The following GLMN variants were observed in gnomAD, a reference collection of about 807,000 sequenced individuals.
GLMN encodes glomulin, FKBP associated protein, also known as glomulin.
In GLMN, 75 loss-of-function variants were observed where a neutral mutation model predicts 87.8. The ratio of observed to expected loss-of-function variants is 0.85; its 90% confidence interval spans 0.71 to 1.04. The LOEUF is 1.04. GLMN is among the 50% of genes least tolerant of loss of function. GLMN has a pLI of 0.00. For synonymous variants in GLMN, 206 were observed against 221.6 expected, an observed-to-expected ratio of 0.93 and a Z score of 0.63; for missense variants, 588 against 658.8, an observed-to-expected ratio of 0.89 and a Z score of 1.18.
rs188224119 is a variant in GLMN at position 92,253,731 on chromosome 1, C to G, written c.1474-5742G>C. 6.6e-5 allele frequency among the ~76,000 whole-genome samples: 10 copies of G among 152,260 alleles called. No individual in the cohort carries two copies. The East Asian group carries it at 1.7e-3, about 27-fold the overall frequency. ...CACAAAGCAATAGCATTAACGTCAA[C>G]AAAAAGGATGACCCAAGCAAAAACT... On this transcript the variant is annotated intron_variant, in intron 16 of 18. Transcript: ENST00000370360.
At chr1:92,366,584 C>A in the GLMN span, among the ~76,000 whole-genome samples, 1 of 152,092 alleles carries the variant, frequency 6.6e-6, no homozygotes, top group African/African-American at 2.4e-5. Context: ...TTCGGTGTCT[C>A]ACTAATGGAG....
chr1:92,350,846 C>G, the GLMN span, among the ~76,000 whole-genome samples: 1 of 152,058 alleles, frequency 6.6e-6, no homozygotes, highest in Non-Finnish European at 1.5e-5. Context: ...GCAGGAAAAT[C>G]ACTTGAACCC....
chr1:92,319,234 A>C, the GLMN span, among the ~76,000 whole-genome samples: 1 of 152,128 alleles, frequency 6.6e-6, no homozygotes, highest in African/African-American at 2.4e-5. Context: ...CAGCTTATAC[A>C]TCTCTCATGG....
chr1:92,365,746 A>C, the GLMN span, among the ~76,000 whole-genome samples: 3 of 152,214 alleles, frequency 2.0e-5, no homozygotes, highest in African/African-American at 7.2e-5. Flanking sequence ...TTCAAAAATT[A>C]TTTGAAGAGT....
the GLMN span, among the ~76,000 whole-genome samples, chr1:92,343,262 C>T: frequency 2.6e-5 from 4 of 152,094 alleles, no homozygotes; most frequent in Non-Finnish European, 4.4e-5. Flanking sequence ...ATGAGGGTTG[C>T]GAAATGTCCG....
At chr1:92,333,216 A>T in the GLMN span, 1 of 565,634 alleles carries the variant, frequency 1.8e-6, no homozygotes, top group Non-Finnish European at 3.1e-6. Flanking sequence ...AAAGAAGTTC[A>T]CAACAGCCTA....
At chr1:92,360,398 G>A in the GLMN span, among the ~76,000 whole-genome samples, 283 of 152,276 alleles carry the variant, frequency 1.9e-3, 1 homozygote, top group African/African-American at 6.7e-3. Context: ...GGCACTAGAC[G>A]GAGCAAATGC....
At chr1:92,312,559 A>C in the GLMN span, among the ~76,000 whole-genome samples, 1 of 152,202 alleles carries the variant, frequency 6.6e-6, no homozygotes, top group East Asian at 1.9e-4. Context: ...CATCTCAAGA[A>C]ACCAGTTTCT....
At chr1:92,303,895 A>T (rs2101104335), upstream of GLMN, 2 of 866,304 alleles carry the variant, frequency 2.3e-6, no homozygotes, top group Non-Finnish European at 1.8e-6. Flanking sequence ...GTGTTTTCAG[A>T]TAAGATTGAT....
chr1:92,290,337 A>T, intron 4 of GLMN, 31 bp from the exon 5 acceptor site: 1 of 1,260,306 alleles, frequency 7.9e-7, no homozygotes, highest in Non-Finnish European at 1.2e-6. Flanking sequence ...GAACCTGTTT[A>T]ATACAAGTTG....
At position 92,286,595 on chromosome 1, in the gene GLMN, A is replaced by G; in HGVS notation, c.633-3T>C. On this transcript the variant is annotated splice_polypyrimidine_tract_variant and splice_region_variant and intron_variant, in intron 6 of 18. Coordinates refer to ENST00000370360, the MANE Select transcript of GLMN (RefSeq NM_053274.3). The stretch of plus-strand genomic sequence containing the variant: ...GGCATTTCAAGCTTTTGAAACAACT[A>G]AGGCATAAGAAATAGGTAACTATGA... 1 of 1,441,588 alleles carries G rather than the reference A, an allele frequency of 6.9e-7. No homozygotes were observed. The highest frequency in any genetic ancestry group is 1.1e-5 in the South Asian group (1 of 87,600). 89.3% of individuals were successfully genotyped at this position (1,441,588 alleles called of 1,614,324 possible).
the GLMN span, among the ~76,000 whole-genome samples, chr1:92,361,210 T>A: frequency 6.6e-6 from 1 of 151,998 alleles, no homozygotes; most frequent in African/African-American, 2.4e-5. Flanking sequence ...ATATTGTGTT[T>A]GGACAATATG....
chr1:92,326,900 G>T, the GLMN span, among the ~76,000 whole-genome samples: 1 of 152,194 alleles, frequency 6.6e-6, no homozygotes, highest in African/African-American at 2.4e-5. Context: ...GAACAAGTAG[G>T]GCTTTCACAT....
Position 92,271,492 on chromosome 1 carries a change from T to C in GLMN, c.896A>G (p.His299Arg). ...TAAGACCATTGGAAGCTGATCAATA[T>C]GGATGCCCTGTACAAATACTAGATA... ...LAYLVFVQGI[H>R]IDQLPMVLSP... Residue 299 changes from histidine to arginine, a missense_variant, in exon 8 of 19, where the codon CAT becomes CGT. By Grantham distance (29) the His-to-Arg change is conservative (BLOSUM62 0). Coordinates refer to ENST00000370360, the MANE Select transcript of GLMN (RefSeq NM_053274.3). 3 of 1,613,168 alleles carry C rather than the reference T, an allele frequency of 1.9e-6. No homozygotes were observed. The highest frequency in any genetic ancestry group is 1.1e-5 in the South Asian group (1 of 91,048).
intron 7 of GLMN, among the ~76,000 whole-genome samples, chr1:92,280,892 A>T (rs1176795647): frequency 1.3e-5 from 2 of 152,250 alleles, no homozygotes; most frequent in African/African-American, 4.8e-5. Flanking sequence ...AATTAATGAA[A>T]TAAAGCAAGA....
chr1:92,346,230 G>A, the GLMN span, among the ~76,000 whole-genome samples: 1 of 149,842 alleles, frequency 6.7e-6, no homozygotes, highest in Non-Finnish European at 1.5e-5. Context: ...TTGGTGTGAT[G>A]TCAGCTCACT....
At chr1:92,315,310 T>C in the GLMN span, among the ~76,000 whole-genome samples, 1 of 152,236 alleles carries the variant, frequency 6.6e-6, no homozygotes, top group Non-Finnish European at 1.5e-5. Flanking sequence ...TGACATTTTA[T>C]GTGGGCTTGG....
chr1:92,344,666 T>A, the GLMN span, among the ~76,000 whole-genome samples: 1 of 152,230 alleles, frequency 6.6e-6, no homozygotes. Context: ...TTCAACTTTA[T>A]TAGATATTGC....
chr1:92,301,471 T>G, upstream of GLMN: 1 of 1,531,510 alleles, frequency 6.5e-7, no homozygotes, highest in East Asian at 2.3e-5. Flanking sequence ...TCTTTCAAAT[T>G]TTAGGAAAGC....
Sources: allele counts gnomAD v4.1 joint callset (sites outside exome capture counted in the v4.1 genomes callset), GRCh38; gene constraint gnomAD v4.1.1; transcripts MANE v1.5; gene names NCBI Gene and HGNC (gene_info 2026-07-23, HGNC 2026-07-21).